JAM3: variants seen among roughly 807,000 people sequenced by gnomAD.
JAM3 encodes the protein junctional adhesion molecule C.
In JAM3, 31 loss-of-function variants were observed where a neutral mutation model predicts 39.4. The ratio of observed to expected loss-of-function variants is 0.79; its 90% CI spans 0.59 to 1.06. The LOEUF (loss-of-function observed/expected upper bound fraction) is 1.06, where lower values mean the gene tolerates loss of function less well. Among genes scored for constraint, JAM3 ranks in the 50% least tolerant of loss-of-function variants. JAM3 has a pLI of 0.00. For synonymous variants in JAM3, 182 were observed against 148.7 expected, an observed-to-expected ratio of 1.22 and a Z score of -1.63; for missense variants, 455 against 391.4, an observed-to-expected ratio of 1.16 and a Z score of -1.37.
At chr11:134,117,154 G>A (rs997043135) in intron 1 of JAM3, among the ~76,000 whole-genome samples, 3 of 152,072 alleles carry the variant, frequency 2.0e-5, no homozygotes, top group Admixed American at 1.3e-4. Context: ...CTGAGGTCAG[G>A]AGTTTGAGAC....
intron 1 of JAM3, among the ~76,000 whole-genome samples, chr11:134,103,916 CT>C (rs1942128637): frequency 1.3e-5 from 2 of 152,164 alleles, no homozygotes; most frequent in South Asian, 4.1e-4. Context: ...TAATGGGAGA[CT>C]TTAACACCCC....
intron 1 of JAM3, among the ~76,000 whole-genome samples, chr11:134,088,347 G>A (rs592902): frequency 0.39 from 59,629 of 151,882 alleles, 12,673 homozygotes; most frequent in African/African-American, 0.57. Context: ...TGCTAAAGAA[G>A]CATTGCTTTC....
intron 1 of JAM3, among the ~76,000 whole-genome samples, chr11:134,136,653 C>T (rs1942870223): frequency 6.6e-6 from 1 of 152,078 alleles, no homozygotes; most frequent in South Asian, 2.1e-4. Context: ...TTGTAGTGGC[C>T]CTCTGCTCTG....
intron 4 of JAM3, among the ~76,000 whole-genome samples, 175 bp from the exon 5 acceptor site, chr11:134,144,617 T>C (rs1415877805): frequency 2.6e-5 from 4 of 152,108 alleles, no homozygotes; most frequent in African/African-American, 9.7e-5. Flanking sequence ...CTTTAACATA[T>C]GGGAGGGCAG....
At chr11:134,121,036 C>G (rs1488600712) in intron 1 of JAM3, among the ~76,000 whole-genome samples, 2 of 152,184 alleles carry the variant, frequency 1.3e-5, no homozygotes, top group Non-Finnish European at 2.9e-5. Context: ...CTGGCCCCCA[C>G]AGAAGGAGTG....
intron 1 of JAM3, among the ~76,000 whole-genome samples, chr11:134,087,846 G>A (rs927358443): frequency 6.6e-6 from 1 of 152,206 alleles, no homozygotes; most frequent in African/African-American, 2.4e-5. Flanking sequence ...GTAAACCAGT[G>A]TTTATCAACT....
At chr11:134,086,927 T>G (rs763774234) in intron 1 of JAM3, among the ~76,000 whole-genome samples, 3 of 152,000 alleles carry the variant, frequency 2.0e-5, no homozygotes, top group Non-Finnish European at 4.4e-5. Flanking sequence ...GTCTCAACTT[T>G]CCATGTAGCT....
intron 1 of JAM3, among the ~76,000 whole-genome samples, chr11:134,093,722 C>T (rs372301067): frequency 0.11 from 9,033 of 85,798 alleles, 16 homozygotes; most frequent in African/African-American, 0.32. Context: ...CTGAGGGAAG[C>T]TTCTCCTGAA....
intron 1 of JAM3, among the ~76,000 whole-genome samples, chr11:134,083,246 C>T (rs187782317): frequency 2.0e-4 from 30 of 152,260 alleles, no homozygotes; most frequent in African/African-American, 7.2e-4. Flanking sequence ...GGGTGGAATT[C>T]CTCTGTCATC....
chr11:134,103,120 A>G (rs1942108519), intron 1 of JAM3, among the ~76,000 whole-genome samples: 2 of 152,232 alleles, frequency 1.3e-5, no homozygotes, highest in Admixed American at 1.3e-4. Context: ...GAGAAAGGTC[A>G]GGTTATCCAC....
At chr11:134,119,303 C>T (rs1942492678) in intron 1 of JAM3, among the ~76,000 whole-genome samples, 1 of 152,140 alleles carries the variant, frequency 6.6e-6, no homozygotes, top group Admixed American at 6.5e-5. Flanking sequence ...AGAAATAGCA[C>T]CTGCTTTGAG....
chr11:134,089,200 G>A (rs1179486505), intron 1 of JAM3, among the ~76,000 whole-genome samples: 6 of 152,084 alleles, frequency 3.9e-5, no homozygotes, highest in South Asian at 2.1e-4. Flanking sequence ...TTTCCAGTTC[G>A]TGGTTTTTAA....
intron 1 of JAM3, among the ~76,000 whole-genome samples, chr11:134,075,686 C>T (rs1941556336): frequency 6.6e-6 from 1 of 152,190 alleles, no homozygotes; most frequent in Non-Finnish European, 1.5e-5. Flanking sequence ...CTTAGCCTCC[C>T]AAAGTGCTGA....
intron 1 of JAM3, among the ~76,000 whole-genome samples, chr11:134,119,846 G>C (rs896148760): frequency 2.0e-5 from 3 of 152,126 alleles, no homozygotes; most frequent in Non-Finnish European, 2.9e-5. Flanking sequence ...ACTTGGTTGG[G>C]TCTTTTTGTA....
At chr11:134,073,123 T>C (rs1164458357) in intron 1 of JAM3, among the ~76,000 whole-genome samples, 3 of 152,194 alleles carry the variant, frequency 2.0e-5, no homozygotes, top group Admixed American at 1.3e-4. Flanking sequence ...TGGTACTCTA[T>C]ATGGAGAGCT....
At chr11:134,146,350 T>A (rs934254270) in intron 6 of JAM3, among the ~76,000 whole-genome samples, 3 of 152,144 alleles carry the variant, frequency 2.0e-5, no homozygotes, top group Non-Finnish European at 2.9e-5. Context: ...ATTATCAAAA[T>A]GTAAGGTGGT....
At chr11:134,131,355 TGAAAAG>T (rs1246477371) in intron 1 of JAM3, among the ~76,000 whole-genome samples, 4 of 152,092 alleles carry the variant, frequency 2.6e-5, no homozygotes, top group East Asian at 3.9e-4. Flanking sequence ...TGACCAAACT[TGAAAAG>T]GAATAGTCTT....
chr11:134,087,066 G>A (rs470880), intron 1 of JAM3, among the ~76,000 whole-genome samples: 59,455 of 151,844 alleles, frequency 0.39, 12,631 homozygotes, highest in African/African-American at 0.57. Flanking sequence ...CAGTCTCCCA[G>A]AGTACTGGGA....
intron 1 of JAM3, among the ~76,000 whole-genome samples, chr11:134,131,189 G>C (rs1272583786): frequency 7.6e-6 from 1 of 131,536 alleles, no homozygotes; most frequent in African/African-American, 2.8e-5. Flanking sequence ...CCCCTGCACA[G>C]AGCCAGTCTC....
Sources: gnomAD v4.1 joint callset for allele counts (sites outside exome capture counted in the v4.1 genomes callset) on GRCh38, gnomAD v4.1.1 for gene constraint, MANE v1.5 for transcripts, NCBI Gene and HGNC (gene_info 2026-07-23, HGNC 2026-07-21) for gene names.